Variants in ARCN1 observed in about 807,000 individuals in gnomAD.
ARCN1 encodes coatomer subunit delta.
ARCN1 carries 5 observed loss-of-function variants against 60.4 expected under a neutral mutation model. The ratio of observed to expected loss-of-function variants is 0.08; its 90% confidence interval spans 0.04 to 0.17. ARCN1 has a LOEUF of 0.17. Ranked by LOEUF, ARCN1 falls within the 10% of genes least tolerant of loss-of-function variation. ARCN1 has a pLI of 1.00. For synonymous variants in ARCN1, 224 were observed against 220.0 expected, an observed-to-expected ratio of 1.02 and a Z score of -0.16; for missense variants, 464 against 626.5, an observed-to-expected ratio of 0.74 and a Z score of 2.77.
intron 9 of ARCN1, among the ~76,000 whole-genome samples, chr11:118,598,757 AGT>A (rs1333423062): frequency 6.6e-6 from 1 of 151,662 alleles, no homozygotes; most frequent in Non-Finnish European, 1.5e-5. Context: ...AGCCTCCCAA[AGT>A]GATGGGATTA....
chr11:118,592,924 C>G, intron 7 of ARCN1, 68 bp downstream of exon 7: 1 of 1,446,062 alleles, frequency 6.9e-7, no homozygotes, highest in Non-Finnish European at 9.3e-7. Context: ...CTTGCTGGTA[C>G]ACTTTTATTT....
intron 6 of ARCN1, among the ~76,000 whole-genome samples, chr11:118,591,362 GC>G (rs1938904662): frequency 6.6e-6 from 1 of 152,152 alleles, no homozygotes; most frequent in Non-Finnish European, 1.5e-5. Flanking sequence ...CTTGTAAAGT[GC>G]TATCCAAAAG....
Position 118,581,232 on chromosome 11 carries a change from T to C in ARCN1, c.4-14T>C, listed in dbSNP as rs1938642354. 3 of 1,613,650 alleles carry C rather than the reference T, an allele frequency of 1.9e-6. No homozygotes were observed. Among genetic ancestry groups the C allele is most frequent in the Middle Eastern group, 1.7e-4 (1 of 6,058 alleles). On this transcript the variant is annotated splice_polypyrimidine_tract_variant and intron_variant, in intron 1 of 9. Coordinates refer to ENST00000264028, the MANE Select transcript of ARCN1 (RefSeq NM_001655.5). ...GAAATAATTAGTACTTACTTATGCA[T>C]ATGTTCCTGGCAGGTGCTGTTGGCA...
At chr11:118,594,869 T>TGAGACAGTCTCAC (rs1938992803) in intron 8 of ARCN1, among the ~76,000 whole-genome samples, 2 of 151,944 alleles carry the variant, frequency 1.3e-5, no homozygotes, top group South Asian at 4.1e-4. Flanking sequence ...TTTATTTTTT[T>TGAGACAGTCTCAC]GAGACAGTCT....
chr11:118,585,350 GTTAC>G (rs1188484569), intron 5 of ARCN1, among the ~76,000 whole-genome samples: 1 of 152,086 alleles, frequency 6.6e-6, no homozygotes, highest in Non-Finnish European at 1.5e-5. Context: ...CTAAATTAAA[GTTAC>G]TTGTAGTCAC....
rs782499577 is a variant in ARCN1 at position 118,581,377 on chromosome 11, A to G, written c.135A>G (p.Gln45=). ...CAAAGCTCATGAACACTGGAAAACA[A>G]CATACGTTTGTTGAAACAGAGAGTG... ...AFPKLMNTGK[Q]HTFVETESVR... is the part of the protein sequence containing the mutation. Residue 45 remains glutamine, a synonymous_variant, in exon 2 of 10, where the codon CAA becomes CAG. Coordinates refer to ENST00000264028, the MANE Select transcript of ARCN1 (RefSeq NM_001655.5). 6.2e-7 allele frequency: 1 copy of G among 1,614,206 alleles called. No individual in the cohort carries two copies. The highest frequency in any genetic ancestry group is 8.5e-7 in the Non-Finnish European group (1 of 1,180,048).
In ARCN1 at chr11:118,598,684, G is replaced by A. The variant is rs147529765; in HGVS notation, c.1446+773G>A. ...TAATTTTTGTATATTTGGTAGAGAC[G>A]GGGTTTCTCCATGTTGGTCAGGCTG... On this transcript the variant is annotated intron_variant, in intron 9 of 9. Coordinates refer to ENST00000264028, the MANE Select transcript of ARCN1 (RefSeq NM_001655.5). Among the ~76,000 whole-genome samples the A allele has an allele frequency of 4.7e-3, 719 of 151,690 alleles. 9 individuals carry two copies. Among genetic ancestry groups the A allele is most frequent in the Non-Finnish European group, 7.1e-3 (482 of 67,884 alleles).
chr11:118,572,707 C>G, intron 1 of ARCN1, 157 bp downstream of exon 1: 1 of 842,284 alleles, frequency 1.2e-6, no homozygotes, highest in Non-Finnish European at 1.8e-6. Flanking sequence ...CTCCTGTGCC[C>G]GGTCTCCTGG....
rs1555074629 is a variant in ARCN1 at position 118,581,488 on chromosome 11, C to T, written c.246C>T (p.Thr82=). ...GCAACATTTTAGAAGATTTGGAGAC[C>T]CTAAGGCTCTTCTCAAGAGTGGTAA... ...KNSNILEDLE[T]LRLFSRVIPE... The change falls in exon 2 of 10, where the codon ACC becomes ACT. Residue 82 remains threonine, a synonymous_variant. Transcript: ENST00000264028. 5 of 1,613,462 alleles carry T rather than the reference C, an allele frequency of 3.1e-6. No homozygotes were observed. The highest frequency in any genetic ancestry group is 3.4e-6 in the Non-Finnish European group (4 of 1,179,758).
chr11:118,588,615 C>T (rs1444287621), intron 5 of ARCN1, among the ~76,000 whole-genome samples: 1 of 152,206 alleles, frequency 6.6e-6, no homozygotes, highest in African/African-American at 2.4e-5. Flanking sequence ...GAGGCTGAGG[C>T]AGGAGGATCA....
At chr11:118,574,608 T>TA (rs1938440769) in intron 1 of ARCN1, among the ~76,000 whole-genome samples, 1 of 152,212 alleles carries the variant, frequency 6.6e-6, no homozygotes, top group Non-Finnish European at 1.5e-5. Context: ...ATTGATTTTT[T>TA]AAAAAATAAA....
At position 118,602,442 on chromosome 11, in the gene ARCN1, A is replaced by G. The variant is rs999211522; in HGVS notation, c.*1728A>G. ...TGGCAGTGGGAAGAGGCAGACGACTAGATGACTTCTGCACTTTTAGCTGGT... is the reference window on the plus strand; with the variant it reads ...TGGCAGTGGGAAGAGGCAGACGACTGGATGACTTCTGCACTTTTAGCTGGT... On this transcript the variant is annotated 3_prime_UTR_variant, in exon 10 of 10. Coordinates refer to ENST00000264028, the MANE Select transcript of ARCN1 (RefSeq NM_001655.5). 1 of 153,978 alleles carries G rather than the reference A, an allele frequency of 6.5e-6. No individual in the cohort carries two copies. The highest frequency in any genetic ancestry group is 2.1e-4 in the South Asian group (1 of 4,830). The allele number at this position is 153,978 out of a possible 1,614,324, so 9.5% of individuals were successfully genotyped here. A position where few individuals can be genotyped will look rare whatever the true frequency, so the allele number is the denominator to read the frequency against.
chr11:118,596,860 CAAAT>C (rs1224801966), intron 8 of ARCN1, among the ~76,000 whole-genome samples: 1 of 152,168 alleles, frequency 6.6e-6, no homozygotes, highest in Non-Finnish European at 1.5e-5. Flanking sequence ...GATTGTAAAT[CAAAT>C]AAACCCATTG....
At chr11:118,597,987 T>C in intron 9 of ARCN1, 76 bp downstream of exon 9, 1 of 1,429,908 alleles carries the variant, frequency 7.0e-7, no homozygotes, top group Non-Finnish European at 9.6e-7. Context: ...GCCAGACAGG[T>C]AGCATGGCTT....
chr11:118,586,955 A>G lies in ARCN1; in HGVS notation c.818+2311A>G, dbSNP rs545255072. 4.6e-5 allele frequency among the ~76,000 whole-genome samples: 7 copies of G among 152,256 alleles called. No homozygotes were observed. In the South Asian group the frequency reaches 1.5e-3, roughly 32 times the overall value. The stretch of plus-strand genomic sequence containing the variant: ...ATAAATTGCCTCTTGAGCACAGAGC[A>G]AACTTTTGTGAAGGTAAAATGGTAC... On this transcript the variant is annotated intron_variant, in intron 5 of 9. Coordinates refer to ENST00000264028, the MANE Select transcript of ARCN1 (RefSeq NM_001655.5).
intron 1 of ARCN1, among the ~76,000 whole-genome samples, chr11:118,577,784 A>G (rs1213759711): frequency 6.6e-6 from 1 of 152,176 alleles, no homozygotes; most frequent in Admixed American, 6.5e-5. Context: ...TTCGATAAAT[A>G]ATTACTCAGT....
In ARCN1 at chr11:118,578,874, CTTTTTTTTT is replaced by C. The variant is rs56050047; in HGVS notation, c.4-2348_4-2340del. 1.5e-3 allele frequency among the ~76,000 whole-genome samples: 127 copies of C among 83,474 alleles called. 1 individual carries two copies. The highest frequency in any genetic ancestry group is 9.4e-3 in the Middle Eastern group (1 of 106). The allele number at this position is 83,474 out of a possible 152,430, so 54.8% of individuals were successfully genotyped here. A position where few individuals can be genotyped will look rare whatever the true frequency, so the allele number is the denominator to read the frequency against. On this transcript the variant is annotated intron_variant, in intron 1 of 9. Transcript: ENST00000264028. The stretch of plus-strand genomic sequence containing the variant: ...GGCAACATGGCAAAACCCCGTCTCT[CTTTTTTTTT>C]TTTTTTTTTTTTTTTTTTTTTTTAA...
intron 9 of ARCN1, 36 bp from the exon 10 acceptor site, chr11:118,600,589 C>T: frequency 1.4e-6 from 2 of 1,471,594 alleles, no homozygotes; most frequent in Non-Finnish European, 1.9e-6. Context: ...AGACTCAAAC[C>T]TCCTGCTTTA....
At position 118,590,525 on chromosome 11, in the gene ARCN1, T is replaced by TAGGG. The variant is rs1555076171; in HGVS notation, c.984+22_984+25dup. 1 of 1,612,934 alleles carries TAGGG rather than the reference T, an allele frequency of 6.2e-7. No individual in the cohort carries two copies. The highest frequency in any genetic ancestry group is 1.3e-5 in the African/African-American group (1 of 74,994). On this transcript the variant is annotated intron_variant, in intron 6 of 9. Coordinates refer to ENST00000264028, the MANE Select transcript of ARCN1 (RefSeq NM_001655.5). ...GCTACAGGTGTGTAGAAGCTTTTGA[T>TAGGG]AGGGAGTATTAACACTTTGTCTACC...
Sources: gnomAD v4.1 joint callset for allele counts (sites outside exome capture counted in the v4.1 genomes callset) on GRCh38, gnomAD v4.1.1 for gene constraint, MANE v1.5 for transcripts, NCBI Gene and HGNC (gene_info 2026-07-23, HGNC 2026-07-21) for gene names.